The following FHIT variants were observed in gnomAD, a reference collection of about 807,000 sequenced individuals.
The protein encoded by FHIT is bis(5'-adenosyl)-triphosphatase.
In FHIT, 19 loss-of-function variants were observed where a neutral mutation model predicts 17.9. The ratio of observed to expected loss-of-function variants is 1.06; its 90% confidence interval spans 0.74 to 1.56. The LOEUF is 1.56. Among genes scored for constraint, FHIT ranks in the 40% most tolerant of loss-of-function variants. The pLI, the probability that FHIT is intolerant of heterozygous loss-of-function variation, is 0.00. For missense variants in FHIT, 248 were observed against 189.2 expected, an observed-to-expected ratio of 1.31 and a Z score of -1.82; for synonymous variants, 81 against 69.7, an observed-to-expected ratio of 1.16 and a Z score of -0.81.
intron 7 of FHIT, among the ~76,000 whole-genome samples, chr3:59,941,861 G>A (rs1054793654): frequency 6.6e-6 from 1 of 152,190 alleles, no homozygotes; most frequent in South Asian, 2.1e-4. Context: ...TAAGGGCTGA[G>A]GATGAAGTGG....
At chr3:60,917,411 T>C (rs1707061307) in intron 3 of FHIT, among the ~76,000 whole-genome samples, 1 of 152,250 alleles carries the variant, frequency 6.6e-6, no homozygotes, top group Non-Finnish European at 1.5e-5. Context: ...GCAGCTGAAA[T>C]GATTTTCTAA....
At chr3:60,710,434 G>T (rs2041493373) in intron 4 of FHIT, among the ~76,000 whole-genome samples, 1 of 152,216 alleles carries the variant, frequency 6.6e-6, no homozygotes, top group South Asian at 2.1e-4. Context: ...GAGAGTGGGT[G>T]CAGTGCACCG....
intron 4 of FHIT, among the ~76,000 whole-genome samples, chr3:60,586,597 C>A (rs1168352305): frequency 6.6e-6 from 1 of 151,956 alleles, no homozygotes; most frequent in Non-Finnish European, 1.5e-5. Flanking sequence ...AACCTAAATG[C>A]CCAGCAATGA....
intron 5 of FHIT, among the ~76,000 whole-genome samples, chr3:60,512,336 A>G (rs1250826165): frequency 6.6e-6 from 1 of 152,190 alleles, no homozygotes; most frequent in Non-Finnish European, 1.5e-5. Context: ...CAACAGACTC[A>G]TACATCTCTA....
intron 4 of FHIT, among the ~76,000 whole-genome samples, chr3:60,815,531 T>G (rs1354983783): frequency 1.3e-5 from 2 of 152,116 alleles, no homozygotes; most frequent in African/African-American, 2.4e-5. Context: ...TTGTTGAAGA[T>G]CAGATGGTTG....
At chr3:60,643,383 A>G (rs1369137308) in intron 4 of FHIT, among the ~76,000 whole-genome samples, 8 of 152,184 alleles carry the variant, frequency 5.3e-5, no homozygotes, top group Admixed American at 6.5e-5. Context: ...ATCATTCTTC[A>G]CAGAACTAGA....
chr3:61,205,118 A>C (rs1054402149), intron 1 of FHIT, among the ~76,000 whole-genome samples: 5 of 152,088 alleles, frequency 3.3e-5, no homozygotes, highest in African/African-American at 1.2e-4. Flanking sequence ...GATGGTTTCC[A>C]GCTTCATCCA....
At chr3:59,807,888 C>T (rs755835392) in intron 8 of FHIT, among the ~76,000 whole-genome samples, 20 of 152,082 alleles carry the variant, frequency 1.3e-4, no homozygotes, top group South Asian at 4.1e-4. Context: ...GTGGGTGGAT[C>T]GGAAGAAAGC....
intron 4 of FHIT, among the ~76,000 whole-genome samples, chr3:60,652,759 A>G (rs1297947339): frequency 2.0e-5 from 3 of 151,142 alleles, no homozygotes; most frequent in African/African-American, 7.3e-5. Flanking sequence ...AAAATTCAAA[A>G]AGTACCTCAG....
chr3:61,063,841 C>T (rs971724570), intron 2 of FHIT, among the ~76,000 whole-genome samples: 2 of 152,136 alleles, frequency 1.3e-5, no homozygotes, highest in African/African-American at 4.8e-5. Flanking sequence ...CAAAATGTTT[C>T]TATTTCCAAA....
chr3:60,674,555 A>C (rs1296783367), intron 4 of FHIT, among the ~76,000 whole-genome samples: 1 of 152,148 alleles, frequency 6.6e-6, no homozygotes, highest in East Asian at 1.9e-4. Context: ...AGGAAATTAC[A>C]TTTCTAAAAT....
intron 5 of FHIT, among the ~76,000 whole-genome samples, chr3:60,506,753 T>C (rs2034747729): frequency 1.3e-5 from 2 of 151,776 alleles, no homozygotes; most frequent in African/African-American, 4.9e-5. Flanking sequence ...CCTGCGTAAA[T>C]GGAATGAGAA....
intron 3 of FHIT, among the ~76,000 whole-genome samples, chr3:60,902,945 G>A (rs1173648259): frequency 1.3e-5 from 2 of 152,096 alleles, no homozygotes; most frequent in Admixed American, 6.5e-5. Flanking sequence ...ACAAAAAATG[G>A]TTTTGACATC....
chr3:60,249,516 T>C (rs116699718), intron 5 of FHIT, among the ~76,000 whole-genome samples: 2 of 149,102 alleles, frequency 1.3e-5, no homozygotes, highest in African/African-American at 4.9e-5. Context: ...GAGATGAAAG[T>C]TGGACCAATA....
intron 8 of FHIT, among the ~76,000 whole-genome samples, chr3:59,901,788 C>G (rs1267211389): frequency 7.2e-5 from 11 of 152,084 alleles, no homozygotes. Flanking sequence ...GTTATATACC[C>G]TAGAGAAATG....
In FHIT at chr3:61,147,737, T is replaced by C. The variant is rs577606860; in HGVS notation, c.-164+52880A>G. On this transcript the variant is annotated intron_variant, in intron 2 of 9. Transcript: ENST00000492590. ...GGCAACCCTGTATGAAAATACAATA[T>C]GAGATCAGGGAGCAGAAAAATAAAT... 2.6e-5 allele frequency among the ~76,000 whole-genome samples: 4 copies of C among 152,074 alleles called. No individual in the cohort carries two copies. The East Asian group carries it at 7.7e-4, about 29-fold the overall frequency.
At chr3:60,255,028 C>T (rs981670225) in intron 5 of FHIT, among the ~76,000 whole-genome samples, 3 of 151,990 alleles carry the variant, frequency 2.0e-5, no homozygotes, top group Non-Finnish European at 4.4e-5. Context: ...TTAATTAGTG[C>T]TAAGGCATGT....
chr3:59,908,560 C>T (rs1704692571), intron 8 of FHIT, among the ~76,000 whole-genome samples: 1 of 152,110 alleles, frequency 6.6e-6, no homozygotes, highest in Non-Finnish European at 1.5e-5. Flanking sequence ...AAGATGCACA[C>T]AAGGACCAGG....
intron 5 of FHIT, among the ~76,000 whole-genome samples, chr3:60,094,477 G>C (rs1198989688): frequency 6.6e-6 from 1 of 152,084 alleles, no homozygotes; most frequent in Non-Finnish European, 1.5e-5. Context: ...ATCTGATACA[G>C]AAATGAAATT....
Sources: gnomAD v4.1 joint callset for allele counts (sites outside exome capture counted in the v4.1 genomes callset) on GRCh38, gnomAD v4.1.1 for gene constraint, MANE v1.5 for transcripts, NCBI Gene and HGNC (gene_info 2026-07-23, HGNC 2026-07-21) for gene names.